Variants in NEGR1 observed in about 807,000 individuals in gnomAD.
NEGR1 encodes neuronal growth regulator 1, also known as IgLON family member 4.
A neutral mutation model predicts 40.9 loss-of-function variants in NEGR1; 10 were observed. The ratio of observed to expected loss-of-function variants is 0.24; its 90% confidence interval spans 0.15 to 0.42. The LOEUF (loss-of-function observed/expected upper bound fraction) is 0.42. NEGR1 is among the 10% of genes least tolerant of loss of function. The pLI is 1.00. For synonymous variants in NEGR1, 185 were observed against 166.8 expected, an observed-to-expected ratio of 1.11 and a Z score of -0.84; for missense variants, 352 against 438.9, an observed-to-expected ratio of 0.80 and a Z score of 1.77.
At chr1:71,564,193 G>A (rs1648547808) in intron 6 of NEGR1, among the ~76,000 whole-genome samples, 1 of 152,062 alleles carries the variant, frequency 6.6e-6, no homozygotes, top group South Asian at 2.1e-4. Flanking sequence ...TGATCTGTTT[G>A]CACTTTAAAT....
At chr1:72,080,479 T>C (rs1363998159) in intron 1 of NEGR1, among the ~76,000 whole-genome samples, 1 of 152,074 alleles carries the variant, frequency 6.6e-6, no homozygotes, top group African/African-American at 2.4e-5. Flanking sequence ...AGAACATATG[T>C]AATATGGAAC....
intron 6 of NEGR1, among the ~76,000 whole-genome samples, chr1:71,416,666 A>G (rs1483588452): frequency 6.6e-6 from 1 of 152,194 alleles, no homozygotes; most frequent in Non-Finnish European, 1.5e-5. Flanking sequence ...CTTTGTATGG[A>G]ATGTAAGACC....
chr1:71,815,479 A>T (rs1191781396), intron 2 of NEGR1, among the ~76,000 whole-genome samples: 3 of 151,952 alleles, frequency 2.0e-5, no homozygotes, highest in African/African-American at 7.2e-5. Flanking sequence ...TTCTGTCTCA[A>T]TTATCTGTTT....
At chr1:71,429,451 A>G (rs1245769756) in intron 6 of NEGR1, among the ~76,000 whole-genome samples, 1 of 152,180 alleles carries the variant, frequency 6.6e-6, no homozygotes, top group Admixed American at 6.5e-5. Flanking sequence ...GACTGGCTTG[A>G]ATCAAACTTC....
chr1:71,528,454 G>T (rs1647266652), intron 6 of NEGR1, among the ~76,000 whole-genome samples: 1 of 151,156 alleles, frequency 6.6e-6, no homozygotes, highest in African/African-American at 2.4e-5. Flanking sequence ...ATAAAGTTTT[G>T]CTAAATGACA....
intron 1 of NEGR1, among the ~76,000 whole-genome samples, chr1:72,061,362 T>C (rs904595309): frequency 6.6e-6 from 1 of 151,716 alleles, no homozygotes; most frequent in African/African-American, 2.4e-5. Context: ...AGGGAATGCA[T>C]CCTAAAATTA....
intron 1 of NEGR1, among the ~76,000 whole-genome samples, chr1:72,022,429 T>C (rs926257777): frequency 2.0e-5 from 3 of 148,084 alleles, no homozygotes; most frequent in Non-Finnish European, 3.0e-5. Context: ...ATCATCTCAA[T>C]GAATGCAGAA....
At chr1:72,171,802 T>C (rs1254455019) in intron 1 of NEGR1, among the ~76,000 whole-genome samples, 1 of 152,214 alleles carries the variant, frequency 6.6e-6, no homozygotes, top group African/African-American at 2.4e-5. Flanking sequence ...ATTATTGTTT[T>C]GTGAAGTTTT....
intron 6 of NEGR1, among the ~76,000 whole-genome samples, chr1:71,474,024 T>C (rs2101360889): frequency 6.6e-6 from 1 of 152,138 alleles, no homozygotes; most frequent in African/African-American, 2.4e-5. Context: ...AGATCTATAA[T>C]GTGCAGAAGT....
At chr1:72,016,108 T>C (rs575092752) in intron 1 of NEGR1, among the ~76,000 whole-genome samples, 1 of 152,178 alleles carries the variant, frequency 6.6e-6, no homozygotes, top group African/African-American at 2.4e-5. Flanking sequence ...TTAATTTTTT[T>C]TTGTTGTTCA....
chr1:71,850,724 T>G (rs1244133824), intron 2 of NEGR1, among the ~76,000 whole-genome samples: 1 of 152,192 alleles, frequency 6.6e-6, no homozygotes, highest in Admixed American at 6.5e-5. Flanking sequence ...AGATTTGGCA[T>G]TGCCTCATTC....
intron 1 of NEGR1, among the ~76,000 whole-genome samples, chr1:72,126,143 GAGAA>G (rs994180407): frequency 3.3e-5 from 5 of 149,798 alleles, no homozygotes; most frequent in African/African-American, 7.4e-5. Flanking sequence ...GTGAAAGACA[GAGAA>G]AGAGAGAGGA....
intron 2 of NEGR1, among the ~76,000 whole-genome samples, chr1:71,895,907 G>A (rs1480072973): frequency 3.9e-5 from 6 of 151,966 alleles, no homozygotes; most frequent in Non-Finnish European, 1.5e-5. Context: ...ATATATCAAG[G>A]TACCAGTTTC....
At chr1:71,894,882 G>C (rs535853870) in intron 2 of NEGR1, among the ~76,000 whole-genome samples, 1 of 152,178 alleles carries the variant, frequency 6.6e-6, no homozygotes, top group African/African-American at 2.4e-5. Context: ...AATAGCCACT[G>C]CACTTCAGCC....
rs1321824090 is a variant in NEGR1 at position 71,602,815 on chromosome 1, T to C, written c.788+8211A>G. On this transcript the variant is annotated intron_variant, in intron 5 of 6. Coordinates refer to ENST00000357731, the MANE Select transcript of NEGR1 (RefSeq NM_173808.3). ...AACTGGAGGTGGCCCACTTTCATCT[T>C]TGTTTGACCCAATGTTTTCAATGTA... 3.3e-5 allele frequency among the ~76,000 whole-genome samples: 5 copies of C among 152,226 alleles called. No individual in the cohort carries two copies. In the East Asian group the frequency reaches 9.6e-4, roughly 29 times the overall value.
intron 6 of NEGR1, among the ~76,000 whole-genome samples, chr1:71,444,360 G>C (rs1646566904): frequency 6.6e-6 from 1 of 151,918 alleles, no homozygotes; most frequent in Non-Finnish European, 1.5e-5. Context: ...TAAATGAATG[G>C]GCATGGCTAT....
chr1:72,185,497 C>T (rs1330146112), intron 1 of NEGR1, among the ~76,000 whole-genome samples: 1 of 151,744 alleles, frequency 6.6e-6, no homozygotes, highest in Non-Finnish European at 1.5e-5. Flanking sequence ...ATAAGGGCTG[C>T]CTTTTCCCAG....
At chr1:71,743,703 T>C (rs1655287928) in intron 3 of NEGR1, among the ~76,000 whole-genome samples, 1 of 152,166 alleles carries the variant, frequency 6.6e-6, no homozygotes, top group Non-Finnish European at 1.5e-5. Flanking sequence ...TCTGTGTCAG[T>C]GTGGCTGAAG....
At chr1:72,136,308 T>C (rs930851253) in intron 1 of NEGR1, among the ~76,000 whole-genome samples, 3 of 151,838 alleles carry the variant, frequency 2.0e-5, no homozygotes, top group Non-Finnish European at 2.9e-5. Flanking sequence ...ATGTAAAAGC[T>C]GAAAAATGCA....
Sources: allele counts gnomAD v4.1 joint callset (sites outside exome capture counted in the v4.1 genomes callset), GRCh38; gene constraint gnomAD v4.1.1; transcripts MANE v1.5; gene names NCBI Gene and HGNC (gene_info 2026-07-23, HGNC 2026-07-21).